Variants in KIF13A observed in about 807,000 individuals in gnomAD.
KIF13A encodes kinesin family member 13A.
Under a neutral mutation model 212.2 loss-of-function variants are expected in KIF13A, and 79 were observed. The ratio of observed to expected loss-of-function variants is 0.37; its 90% CI spans 0.31 to 0.45. The LOEUF (loss-of-function observed/expected upper bound fraction) is 0.45, where lower values mean the gene tolerates loss of function less well. KIF13A is among the 20% of genes least tolerant of loss of function. The probability of loss-of-function intolerance (pLI) is 1.00; values close to 1 mark genes in which losing one functional copy is unlikely to be tolerated. For missense variants in KIF13A, 1,901 were observed against 2,209.0 expected, an observed-to-expected ratio of 0.86 and a Z score of 2.79; for synonymous variants, 789 against 808.6, an observed-to-expected ratio of 0.98 and a Z score of 0.41.
rs1390931769 is a variant in KIF13A, at chr6:17,895,606, G to A, written c.159+2562C>T. Among the ~76,000 whole-genome samples the A allele has an allele frequency of 6.6e-6, 1 of 152,140 alleles. No homozygotes were observed. The highest frequency in any genetic ancestry group is 2.4e-5 in the African/African-American group (1 of 41,432). On this transcript the variant is annotated intron_variant, in intron 3 of 38. Transcript: ENST00000259711. This position sits in a 1 kb window ranked among gnomAD's most constrained non-coding sequence, Gnocchi z 4.4. Reference sequence around the variant, plus strand: ...CCCAAAGTATAAGGAGATTAGCAAGGACTCCACCTCTGGAAGGACTTGAAC... The same window carrying A: ...CCCAAAGTATAAGGAGATTAGCAAGAACTCCACCTCTGGAAGGACTTGAAC...
At position 17,849,329 on chromosome 6, in the gene KIF13A, C is replaced by T; in HGVS notation, c.830+48G>A. ...TCTGACCCTCATAATGCAACAAATC[C>T]CCTCCAGAAGGAAATCACCCAGGCT... On this transcript the variant is annotated intron_variant, in intron 9 of 38. Transcript: ENST00000259711. This position sits in a 1 kb window ranked among gnomAD's most constrained non-coding sequence, Gnocchi z 5.7. 1 of 1,341,804 alleles carries T rather than the reference C, an allele frequency of 7.5e-7. No individual in the cohort carries two copies. Among genetic ancestry groups the T allele is most frequent in the Non-Finnish European group, 1.1e-6 (1 of 947,866 alleles). The allele number at this position is 1,341,804 out of a possible 1,614,324, so 83.1% of individuals were successfully genotyped here.
chr6:17,907,641 G>T (rs1773638488), intron 2 of KIF13A, among the ~76,000 whole-genome samples: 1 of 152,194 alleles, frequency 6.6e-6, no homozygotes, highest in East Asian at 1.9e-4. Flanking sequence ...GAAACTGAGG[G>T]CCACTGAAGA....
chr6:17,907,503 G>A (rs1367425479), intron 2 of KIF13A, among the ~76,000 whole-genome samples: 1 of 151,416 alleles, frequency 6.6e-6, no homozygotes, highest in Non-Finnish European at 1.5e-5. Flanking sequence ...TCATGAATGT[G>A]CAGGAGAAGC....
intron 22 of KIF13A, among the ~76,000 whole-genome samples, chr6:17,797,728 C>T (rs1762165802): frequency 6.6e-6 from 1 of 152,024 alleles, no homozygotes; most frequent in Admixed American, 6.6e-5. Flanking sequence ...AAAATGAGAT[C>T]CTGTCTCTAC....
Position 17,872,931 on chromosome 6 carries a change from C to T in KIF13A, c.220+446G>A, listed in dbSNP as rs186536699. Among the ~76,000 whole-genome samples, 386 of 152,064 alleles carry T rather than the reference C, an allele frequency of 2.5e-3. 1 individual carries two copies. The highest frequency in any genetic ancestry group is 0.02 in the Middle Eastern group (6 of 294). ...GATTACAGATGTGAGCCACCATGCCCGGACGAAAAATAAATTTTTAAAAAG... is the reference window on the plus strand; with the variant it reads ...GATTACAGATGTGAGCCACCATGCCTGGACGAAAAATAAATTTTTAAAAAG... On this transcript the variant is annotated intron_variant, in intron 4 of 38. Transcript: ENST00000259711. This position sits in a 1 kb window ranked among gnomAD's most constrained non-coding sequence, Gnocchi z 4.7.
At chr6:17,946,270 T>C (rs370704395) in intron 2 of KIF13A, among the ~76,000 whole-genome samples, 19 of 152,238 alleles carry the variant, frequency 1.2e-4, no homozygotes, top group African/African-American at 4.1e-4. Flanking sequence ...AAAGCATCCA[T>C]CTTAAAAGTA....
rs554408701 is a variant in KIF13A at position 17,987,216 on chromosome 6, G to A, written c.56-72C>T. On this transcript the variant is annotated intron_variant, in intron 1 of 38. Coordinates refer to ENST00000259711, the MANE Select transcript of KIF13A (RefSeq NM_022113.6). The surrounding 1 kb of genome is among the most constrained non-coding windows in gnomAD (Gnocchi z 7.7). ...TCCAGCCCGCCCGCCCGCCAGCCGCGCCGAGCGGGGCTCCGTCCCTGGAGG... is the reference window on the plus strand; with the variant it reads ...TCCAGCCCGCCCGCCCGCCAGCCGCACCGAGCGGGGCTCCGTCCCTGGAGG... 180 of 1,311,480 alleles carry A rather than the reference G, an allele frequency of 1.4e-4. 2 individuals are homozygous for A. The South Asian group carries it at 2.3e-3, about 17-fold the overall frequency. The allele number at this position is 1,311,480 out of a possible 1,614,324, so 81.2% of individuals were successfully genotyped here. A position where few individuals can be genotyped will look rare whatever the true frequency, so the allele number is the denominator to read the frequency against.
Position 17,825,522 on chromosome 6 carries a change from C to T in KIF13A, c.1786+246G>A, listed in dbSNP as rs1213248074. On this transcript the variant is annotated intron_variant, in intron 16 of 38. Coordinates refer to ENST00000259711, the MANE Select transcript of KIF13A (RefSeq NM_022113.6). The surrounding 1 kb of genome is among the most constrained non-coding windows in gnomAD (Gnocchi z 4.5). ...CTCTAGGCCCGTGGAAATGTCACCA[C>T]AATTCGCTTGGGAATAAGAGGTCTC... Among the ~76,000 whole-genome samples, 1 of 152,160 alleles carries T rather than the reference C, an allele frequency of 6.6e-6. No homozygotes were observed. The highest frequency in any genetic ancestry group is 2.4e-5 in the African/African-American group (1 of 41,422).
At chr6:17,866,396 C>T (rs1339367240) in intron 4 of KIF13A, among the ~76,000 whole-genome samples, 2 of 152,070 alleles carry the variant, frequency 1.3e-5, no homozygotes, top group Non-Finnish European at 2.9e-5. Flanking sequence ...AATGACTCTT[C>T]AGGATGAGAG....
At chr6:17,804,638 A>G in intron 19 of KIF13A, 128 bp from the exon 20 acceptor site, 2 of 958,108 alleles carry the variant, frequency 2.1e-6, no homozygotes, top group East Asian at 5.5e-5. Flanking sequence ...AAGTAAAATT[A>G]TAATGTCACA....
At chr6:17,896,507 G>C (rs1360178677) in intron 3 of KIF13A, among the ~76,000 whole-genome samples, 2 of 152,008 alleles carry the variant, frequency 1.3e-5, no homozygotes, top group South Asian at 2.1e-4. Context: ...ATCTTTATTT[G>C]ATTCTATTGT....
At chr6:17,775,110 A>G in intron 34 of KIF13A, 48 bp from the exon 35 acceptor site, 1 of 1,469,890 alleles carries the variant, frequency 6.8e-7, no homozygotes, top group Non-Finnish European at 9.3e-7. Flanking sequence ...TATTTAATAT[A>G]AGGGGTTTTT....
chr6:17,852,638 G>A (rs1767768665), intron 6 of KIF13A, among the ~76,000 whole-genome samples: 1 of 152,088 alleles, frequency 6.6e-6, no homozygotes, highest in African/African-American at 2.4e-5. Context: ...AGCTGGTCCT[G>A]AATTTCTAGG....
rs1484822094 is a variant in KIF13A, at chr6:17,833,941, G to C, written c.1266+20C>G. Reference sequence around the variant, plus strand: ...AGTGAAAAAGAATCCCAATATTTTAGGGCTAAATTATCAAGCTACCTGTGC... The same window carrying C: ...AGTGAAAAAGAATCCCAATATTTTACGGCTAAATTATCAAGCTACCTGTGC... On this transcript the variant is annotated intron_variant, in intron 12 of 38. Transcript: ENST00000259711. 2 of 1,308,060 alleles carry C rather than the reference G, an allele frequency of 1.5e-6. No individual in the cohort carries two copies. The highest frequency in any genetic ancestry group is 4.9e-5 in the Admixed American group (2 of 41,222). 81.0% of individuals were successfully genotyped at this position (1,308,060 alleles called of 1,614,324 possible).
At chr6:17,802,306 T>G (rs1056520606) in intron 20 of KIF13A, among the ~76,000 whole-genome samples, 3 of 152,080 alleles carry the variant, frequency 2.0e-5, no homozygotes, top group Non-Finnish European at 2.9e-5. Context: ...TTTTTTTTTT[T>G]TTGAGACGGA....
intron 16 of KIF13A, among the ~76,000 whole-genome samples, chr6:17,819,650 G>A (rs2150357781): frequency 1.3e-5 from 2 of 152,180 alleles, no homozygotes; most frequent in Middle Eastern, 6.8e-3. Flanking sequence ...GATCCTGGGT[G>A]GGTAAAATAT....
In KIF13A at chr6:17,838,283, T is replaced by C. The variant is rs1766168584; in HGVS notation, c.831-700A>G. ...CTGCAGTGAGCCAAGATCGCGCCAC[T>C]GTACTCCAGCCTGGGCGACAGAGCA... On this transcript the variant is annotated intron_variant, in intron 9 of 38. Transcript: ENST00000259711. This position sits in a 1 kb window ranked among gnomAD's most constrained non-coding sequence, Gnocchi z 4.2. 1.3e-5 allele frequency among the ~76,000 whole-genome samples: 2 copies of C among 151,344 alleles called. No individual in the cohort carries two copies. Among genetic ancestry groups the C allele is most frequent in the South Asian group, 4.2e-4 (2 of 4,764 alleles).
At chr6:17,896,452 T>G (rs1223327758) in intron 3 of KIF13A, among the ~76,000 whole-genome samples, 2 of 152,244 alleles carry the variant, frequency 1.3e-5, no homozygotes, top group African/African-American at 4.8e-5. Flanking sequence ...TCTTTCAACA[T>G]TTACATAGTT....
At chr6:17,875,284 TC>T (rs1770445705) in intron 3 of KIF13A, among the ~76,000 whole-genome samples, 1 of 152,012 alleles carries the variant, frequency 6.6e-6, no homozygotes, top group African/African-American at 2.4e-5. Context: ...GTAAAAGTGT[TC>T]CCTGTTGACC....
Sources: allele counts gnomAD v4.1 joint callset (sites outside exome capture counted in the v4.1 genomes callset), GRCh38; gene constraint gnomAD v4.1.1; non-coding constraint Gnocchi (gnomAD v3.1); transcripts MANE v1.5; gene names NCBI Gene and HGNC (gene_info 2026-07-23, HGNC 2026-07-21).